Variants in CPA6 observed in about 807,000 individuals in gnomAD.
The protein encoded by CPA6 is carboxypeptidase B.
In CPA6, 58 loss-of-function variants were observed where a neutral mutation model predicts 63.3. The observed-to-expected ratio is 0.92, with a 90% CI of 0.74 to 1.14. CPA6 has a LOEUF of 1.14. Ranked by LOEUF, CPA6 falls within the 50% of genes most tolerant of loss-of-function variation. The probability of loss-of-function intolerance (pLI) is 0.00; values close to 1 mark genes in which losing one functional copy is unlikely to be tolerated. For missense variants in CPA6, 565 were observed against 526.6 expected, an observed-to-expected ratio of 1.07 and a Z score of -0.71; for synonymous variants, 185 against 179.0, an observed-to-expected ratio of 1.03 and a Z score of -0.27.
intron 1 of CPA6, among the ~76,000 whole-genome samples, chr8:67,667,028 G>C (rs1290590554): frequency 6.6e-6 from 1 of 152,154 alleles, no homozygotes; most frequent in East Asian, 1.9e-4. Flanking sequence ...ACTGTCTGCA[G>C]TGTTGGGTAG....
intron 1 of CPA6, among the ~76,000 whole-genome samples, chr8:67,676,007 T>C (rs756677412): frequency 6.6e-5 from 10 of 152,342 alleles, no homozygotes; most frequent in Admixed American, 5.2e-4. Context: ...TACGCTACCA[T>C]GACCAACCTG....
chr8:67,502,363 T>C (rs1563978292), intron 6 of CPA6, among the ~76,000 whole-genome samples: 2 of 152,174 alleles, frequency 1.3e-5, no homozygotes, highest in Non-Finnish European at 2.9e-5. Flanking sequence ...CTCTGGAGGC[T>C]GACGTGAAAG....
At chr8:67,716,375 G>T (rs1817381753) in intron 1 of CPA6, among the ~76,000 whole-genome samples, 1 of 152,110 alleles carries the variant, frequency 6.6e-6, no homozygotes, top group African/African-American at 2.4e-5. Flanking sequence ...CACATGTAAG[G>T]TGTACATTGG....
chr8:67,696,356 T>C (rs146364178), intron 1 of CPA6, among the ~76,000 whole-genome samples: 267 of 152,322 alleles, frequency 1.8e-3, no homozygotes, highest in African/African-American at 6.2e-3. Context: ...GAAGCCATAG[T>C]ACATGCACTA....
At chr8:67,547,963 A>G (rs1017724351) in intron 2 of CPA6, among the ~76,000 whole-genome samples, 91 of 152,340 alleles carry the variant, frequency 6.0e-4, no homozygotes, top group African/African-American at 2.0e-3. Context: ...TTAAAGTTTC[A>G]TTCTATTCCT....
At chr8:67,569,730 A>T (rs1813436602) in intron 2 of CPA6, 2 of 186,754 alleles carry the variant, frequency 1.1e-5, no homozygotes, top group South Asian at 2.1e-4. Flanking sequence ...ATACTCTGTC[A>T]TCACAAAACC....
chr8:67,470,658 A>G (rs1811037750), intron 8 of CPA6, among the ~76,000 whole-genome samples: 1 of 152,178 alleles, frequency 6.6e-6, no homozygotes, highest in Non-Finnish European at 1.5e-5. Context: ...TGTTTATATA[A>G]AAACGATAAT....
chr8:67,691,135 C>T (rs17347315), intron 1 of CPA6, among the ~76,000 whole-genome samples: 71,426 of 152,030 alleles, frequency 0.47, 19,901 homozygotes, highest in African/African-American at 0.79. Context: ...ACAAAGAAAA[C>T]GAGGAAATTC....
chr8:67,525,979 A>G (rs890201179), intron 2 of CPA6, among the ~76,000 whole-genome samples: 1 of 152,204 alleles, frequency 6.6e-6, no homozygotes, highest in African/African-American at 2.4e-5. Flanking sequence ...AATGCAATAT[A>G]TCCATGTAAC....
chr8:67,440,583 A>G (rs1397578858), intron 8 of CPA6, among the ~76,000 whole-genome samples: 1 of 152,096 alleles, frequency 6.6e-6, no homozygotes, highest in Admixed American at 6.6e-5. Context: ...AAAAAATAAT[A>G]AAAAATAACA....
At chr8:67,547,214 AT>A (rs1812836724) in intron 2 of CPA6, among the ~76,000 whole-genome samples, 1 of 151,634 alleles carries the variant, frequency 6.6e-6, no homozygotes, top group South Asian at 2.1e-4. Context: ...GCCCGGCTAA[AT>A]TTTTGTATTT....
intron 1 of CPA6, among the ~76,000 whole-genome samples, chr8:67,645,375 C>T (rs1033996961): frequency 2.1e-4 from 32 of 151,946 alleles, no homozygotes; most frequent in Admixed American, 2.0e-3. Flanking sequence ...ATGAGAGAAT[C>T]GGTAAAAAAA....
intron 8 of CPA6, among the ~76,000 whole-genome samples, chr8:67,475,817 CCTTTCT>C (rs1205020236): frequency 0.11 from 3,338 of 31,240 alleles, 170 homozygotes; most frequent in African/African-American, 0.15. Context: ...TTCTTTCTTT[CCTTTCT>C]TTTCTTTCTT....
At chr8:67,510,772 G>T (rs1812026576) in intron 4 of CPA6, among the ~76,000 whole-genome samples, 1 of 152,136 alleles carries the variant, frequency 6.6e-6, no homozygotes, top group Non-Finnish European at 1.5e-5. Flanking sequence ...GCCTGCCACT[G>T]GAGTTACAGC....
intron 6 of CPA6, among the ~76,000 whole-genome samples, chr8:67,492,586 T>A (rs1021527570): frequency 2.0e-5 from 3 of 152,168 alleles, no homozygotes; most frequent in Non-Finnish European, 4.4e-5. Context: ...CCAATACATG[T>A]ATAACAAAGT....
intron 8 of CPA6, among the ~76,000 whole-genome samples, chr8:67,467,182 C>T (rs1017596797): frequency 5.3e-5 from 8 of 152,098 alleles, no homozygotes; most frequent in Non-Finnish European, 1.0e-4. Context: ...ATGTTTAGAA[C>T]GAAGGGTACA....
At chr8:67,740,701 C>T (rs914428523) in intron 1 of CPA6, among the ~76,000 whole-genome samples, 6 of 152,084 alleles carry the variant, frequency 3.9e-5, no homozygotes, top group Admixed American at 1.3e-4. Flanking sequence ...TCCTGAGTAG[C>T]GGGGACTACA....
intron 1 of CPA6, among the ~76,000 whole-genome samples, chr8:67,721,946 G>A (rs1005908573): frequency 1.3e-5 from 2 of 152,156 alleles, no homozygotes; most frequent in Non-Finnish European, 2.9e-5. Flanking sequence ...CCGAGTTTCG[G>A]CCAGTCAATG....
chr8:67,624,988 A>T (rs1352838432), intron 1 of CPA6, among the ~76,000 whole-genome samples: 1 of 152,098 alleles, frequency 6.6e-6, no homozygotes, highest in East Asian at 1.9e-4. Context: ...GCAGCCAGGG[A>T]GATGGGAGCT....
Sources: gnomAD v4.1 joint callset for allele counts (sites outside exome capture counted in the v4.1 genomes callset) on GRCh38, gnomAD v4.1.1 for gene constraint, MANE v1.5 for transcripts, NCBI Gene and HGNC (gene_info 2026-07-23, HGNC 2026-07-21) for gene names.